Variants in SPATA13 observed in about 807,000 individuals in gnomAD.
SPATA13 encodes the protein spermatogenesis associated 13, also known as spermatogenesis-associated protein 13.
SPATA13 carries 50 observed loss-of-function variants against 104.0 expected under a neutral mutation model. The observed-to-expected ratio is 0.48, with a 90% CI of 0.38 to 0.61. The LOEUF is 0.61. Among genes scored for constraint, SPATA13 ranks in the 20% least tolerant of loss-of-function variants. The pLI, the probability that SPATA13 is intolerant of heterozygous loss-of-function variation, is 0.00. For synonymous variants in SPATA13, 606 were observed against 667.5 expected (o/e 0.91, Z 1.42); for missense variants, 1,524 against 1,690.6 (o/e 0.90, Z 1.73).
At chr13:24,237,042 C>T (rs182573781) in intron 2 of SPATA13, among the ~76,000 whole-genome samples, 21 of 152,184 alleles carry the variant, frequency 1.4e-4, no homozygotes, top group South Asian at 4.2e-4. Flanking sequence ...ACATATACTG[C>T]GGAATATTAT....
At chr13:24,160,966 C>T (rs1882451406) in intron 1 of SPATA13, 34 bp downstream of exon 1, 6 of 981,920 alleles carry the variant, frequency 6.1e-6, no homozygotes, top group African/African-American at 1.7e-5. Flanking sequence ...CTCTGCCGGG[C>T]GGGCGCGGGC....
At chr13:24,132,804 T>C (rs540305715) in intron 3 of SPATA13, among the ~76,000 whole-genome samples, 14 of 152,102 alleles carry the variant, frequency 9.2e-5, no homozygotes, top group Non-Finnish European at 1.9e-4. Context: ...TGAAACCCCA[T>C]TTCTACTAAA....
At chr13:24,165,345 C>CT (rs1345711065) in intron 1 of SPATA13, among the ~76,000 whole-genome samples, 2 of 152,208 alleles carry the variant, frequency 1.3e-5, no homozygotes, top group Non-Finnish European at 2.9e-5. Flanking sequence ...CAAGAGGACT[C>CT]TACCTGTCCA....
At position 23,991,640 on chromosome 13, in the gene SPATA13, C is replaced by G. The variant is rs182697903; in HGVS notation, c.-147+7707C>G. On this transcript the variant is annotated intron_variant, in intron 2 of 14. Transcript: ENST00000424834. ...GATAAGACTCATGTTCATAGCAAGT[C>G]CAGCACCGTGCATATTGTGCACATT... Among the ~76,000 whole-genome samples the G allele has an allele frequency of 4.6e-5, 7 of 152,248 alleles. No homozygotes were observed. The East Asian group carries it at 1.4e-3, about 29-fold the overall frequency.
At chr13:24,209,117 T>A (rs1161845300) in intron 1 of SPATA13, among the ~76,000 whole-genome samples, 1 of 152,122 alleles carries the variant, frequency 6.6e-6, no homozygotes, top group African/African-American at 2.4e-5. Flanking sequence ...GGTGCAGAGA[T>A]AGACATCATG....
At chr13:24,278,676 C>G (rs771841638) in intron 4 of SPATA13, 2 of 1,522,188 alleles carry the variant, frequency 1.3e-6, no homozygotes, top group African/African-American at 2.8e-5. Flanking sequence ...AGTACTTGTT[C>G]AGAATGTATA....
chr13:24,040,196 G>A (rs1472933880), intron 3 of SPATA13, among the ~76,000 whole-genome samples: 1 of 152,212 alleles, frequency 6.6e-6, no homozygotes, highest in Non-Finnish European at 1.5e-5. Flanking sequence ...CAAAACCAGA[G>A]AGAGCGTTAA....
At chr13:24,291,751 T>A (rs1181228705) in intron 9 of SPATA13, among the ~76,000 whole-genome samples, 7 of 74,376 alleles carry the variant, frequency 9.4e-5, no homozygotes, top group African/African-American at 3.6e-4. Context: ...TTTTTTTATT[T>A]TTTTATTTTT....
intron 3 of SPATA13, among the ~76,000 whole-genome samples, chr13:24,031,742 C>A (rs553269297): frequency 5.9e-5 from 9 of 152,294 alleles, no homozygotes; most frequent in African/African-American, 1.9e-4. Context: ...TTAAACAATC[C>A]TCAGTCAACA....
At chr13:24,152,286 G>T (rs1305092919) in intron 3 of SPATA13, among the ~76,000 whole-genome samples, 1 of 152,176 alleles carries the variant, frequency 6.6e-6, no homozygotes, top group Admixed American at 6.5e-5. Flanking sequence ...CTTTTATAAG[G>T]GCACTCCTCC....
chr13:24,079,558 A>C (rs1007411417), intron 3 of SPATA13, among the ~76,000 whole-genome samples: 7 of 152,126 alleles, frequency 4.6e-5, no homozygotes, highest in Admixed American at 1.3e-4. Flanking sequence ...TCCCGACCTG[A>C]GACTAGGCAG....
chr13:24,224,997 C>T (rs1566160650), intron 2 of SPATA13, among the ~76,000 whole-genome samples: 2 of 152,224 alleles, frequency 1.3e-5, no homozygotes, highest in South Asian at 4.1e-4. Flanking sequence ...AAGTGAAATT[C>T]TTTCTGTTAA....
Position 24,011,042 on chromosome 13 carries a change from G to T in SPATA13, c.-146-6625G>T, listed in dbSNP as rs761830515. ...CTTTCCCTCTGCACCCATACTGCTG[G>T]GATATGCCTGCACTCTGCAGTTTGC... is the stretch of plus-strand genomic sequence containing the variant. On this transcript the variant is annotated intron_variant, in intron 2 of 14. Transcript: ENST00000424834. The surrounding 1 kb of genome is among the most constrained non-coding windows in gnomAD (Gnocchi z 4.3). 2.0e-5 allele frequency among the ~76,000 whole-genome samples: 3 copies of T among 152,078 alleles called. No individual in the cohort carries two copies. The highest frequency in any genetic ancestry group is 6.5e-5 in the Admixed American group (1 of 15,274).
At chr13:24,016,712 C>A (rs1018383263) in intron 2 of SPATA13, among the ~76,000 whole-genome samples, 19 of 152,238 alleles carry the variant, frequency 1.2e-4, no homozygotes, top group African/African-American at 4.1e-4. Flanking sequence ...CCAGAAGTTT[C>A]ATTGTCCTTG....
At chr13:23,996,404 T>C (rs1010402065) in intron 2 of SPATA13, among the ~76,000 whole-genome samples, 4 of 63,904 alleles carry the variant, frequency 6.3e-5, no homozygotes, top group South Asian at 3.8e-4. Flanking sequence ...CAGAGTTCAA[T>C]TGGGCAAAAA....
chr13:24,095,481 C>T lies in SPATA13; in HGVS notation c.-112+77780C>T, dbSNP rs1254670868. 3.3e-5 allele frequency among the ~76,000 whole-genome samples: 5 copies of T among 152,054 alleles called. No individual in the cohort carries two copies. The East Asian group carries it at 9.6e-4, about 29-fold the overall frequency. ...TTTAGTTAGGGAAGGTGAAAAGGTA[C>T]TAGAAGTGGATAGAAGTGCTGGTTA... On this transcript the variant is annotated intron_variant, in intron 3 of 14. Transcript: ENST00000424834.
intron 2 of SPATA13, among the ~76,000 whole-genome samples, chr13:23,997,255 G>A (rs563504941): frequency 8.5e-5 from 13 of 152,298 alleles, no homozygotes; most frequent in African/African-American, 2.4e-4. Context: ...AGTGTACACT[G>A]TGGTACATAT....
intron 1 of SPATA13, among the ~76,000 whole-genome samples, chr13:24,217,709 C>T (rs1051638341): frequency 6.6e-6 from 1 of 152,160 alleles, no homozygotes; most frequent in African/African-American, 2.4e-5. Context: ...TGCTACCAGC[C>T]CCTGGGCTGG....
At chr13:24,203,888 C>A (rs960089064) in intron 1 of SPATA13, among the ~76,000 whole-genome samples, 1 of 152,134 alleles carries the variant, frequency 6.6e-6, no homozygotes, top group East Asian at 1.9e-4. Flanking sequence ...CCATTAGGTG[C>A]CAGACACTGT....
Sources: allele counts gnomAD v4.1 joint callset (sites outside exome capture counted in the v4.1 genomes callset), GRCh38; gene constraint gnomAD v4.1.1; non-coding constraint Gnocchi (gnomAD v3.1); transcripts MANE v1.5; gene names NCBI Gene and HGNC (gene_info 2026-07-23, HGNC 2026-07-21).